Variants in CDH20 observed in about 807,000 individuals in gnomAD.
CDH20 encodes the protein cadherin-20.
In CDH20, 29 loss-of-function variants were observed where a neutral mutation model predicts 74.2. That is an observed-to-expected ratio of 0.39 (90% CI 0.29 to 0.53). The LOEUF (loss-of-function observed/expected upper bound fraction) is 0.53, where lower values mean the gene tolerates loss of function less well. CDH20 is among the 20% of genes least tolerant of loss of function. The pLI is 0.69. For missense variants in CDH20, 988 were observed against 1,048.3 expected (o/e 0.94, Z 0.79); for synonymous variants, 469 against 405.4 (o/e 1.16, Z -1.88).
At chr18:61,452,713 C>A (rs914671635) in intron 1 of CDH20, among the ~76,000 whole-genome samples, 20 of 152,136 alleles carry the variant, frequency 1.3e-4, no homozygotes, top group African/African-American at 4.8e-4. Context: ...ATCTACATGA[C>A]AGCTATGTAA....
chr18:61,412,705 C>T (rs995099480), intron 1 of CDH20, among the ~76,000 whole-genome samples: 2 of 152,062 alleles, frequency 1.3e-5, no homozygotes, highest in Non-Finnish European at 2.9e-5. Flanking sequence ...CAAGCTATTG[C>T]TTTAAATAGT....
chr18:61,550,163 A>G lies in CDH20; in HGVS notation c.1834A>G (p.Met612Val), dbSNP rs1568187167. The change falls in exon 11 of 12, where the codon ATG becomes GTG. Residue 612 changes from methionine (M) to valine (V), a missense_variant. Physicochemically the swap from Met to Val is conservative, Grantham distance 21. Around this residue, in one of 2 missense-constraint regions of CDH20, gnomAD observed 375 missense variants for 293.1 expected, o/e 1.28. Coordinates refer to ENST00000262717, the MANE Select transcript of CDH20 (RefSeq NM_031891.4). ...CATGTCCTGCAGCCCAGAGGCCTACATGCTCCCAGTCAGTTTGAGCCGGGG... is the reference window on the plus strand; with the variant it reads ...CATGTCCTGCAGCCCAGAGGCCTACGTGCTCCCAGTCAGTTTGAGCCGGGG... The part of the protein sequence containing the change: ...HVMSCSPEAY[M>V]LPVSLSRGAL... 1.2e-6 allele frequency: 2 copies of G among 1,614,120 alleles called. No homozygotes were observed. Among genetic ancestry groups the G allele is most frequent in the Non-Finnish European group, 1.7e-6 (2 of 1,180,032 alleles).
At chr18:61,379,643 A>T (rs143756735) in intron 1 of CDH20, among the ~76,000 whole-genome samples, 1 of 152,168 alleles carries the variant, frequency 6.6e-6, no homozygotes. Flanking sequence ...AGTGGGCATT[A>T]TGTAGCTAAG....
intron 6 of CDH20, among the ~76,000 whole-genome samples, chr18:61,510,039 T>A (rs578153640): frequency 1.3e-5 from 2 of 151,970 alleles, no homozygotes; most frequent in Non-Finnish European, 2.9e-5. Context: ...ATTTCTAGAG[T>A]CTATTAGACA....
chr18:61,406,725 G>A (rs781571691), intron 1 of CDH20, among the ~76,000 whole-genome samples: 40 of 152,142 alleles, frequency 2.6e-4, no homozygotes, highest in Admixed American at 1.4e-3. Flanking sequence ...TAAACGAAGA[G>A]GTGGAGGAAA....
intron 1 of CDH20, among the ~76,000 whole-genome samples, chr18:61,406,709 G>C (rs923006183): frequency 2.0e-5 from 3 of 152,200 alleles, no homozygotes; most frequent in Non-Finnish European, 4.4e-5. Context: ...ATTGAAAGGA[G>C]CTACTTAAAC....
intron 1 of CDH20, among the ~76,000 whole-genome samples, chr18:61,348,108 G>T (rs981720444): frequency 3.9e-5 from 6 of 151,938 alleles, no homozygotes; most frequent in South Asian, 2.1e-4. Context: ...CATTTTTTTG[G>T]GGGGGTGGTC....
intron 11 of CDH20, among the ~76,000 whole-genome samples, chr18:61,553,301 C>T (rs1394520292): frequency 6.6e-6 from 1 of 151,952 alleles, no homozygotes; most frequent in African/African-American, 2.4e-5. Flanking sequence ...CAGCTAAAAC[C>T]TCAACACTCT....
intron 1 of CDH20, among the ~76,000 whole-genome samples, chr18:61,417,248 G>T (rs1396243339): frequency 1.3e-5 from 2 of 151,922 alleles, no homozygotes; most frequent in African/African-American, 4.8e-5. Context: ...AAAAGACTTT[G>T]GTGCTAAATC....
At chr18:61,538,620 G>GGT (rs1555684318) in intron 8 of CDH20, among the ~76,000 whole-genome samples, 18 of 41,562 alleles carry the variant, frequency 4.3e-4, no homozygotes, top group African/African-American at 1.2e-3. Context: ...TTTTGTTTTT[G>GGT]TTTTGTTTTT....
At position 61,554,230 on chromosome 18, in the gene CDH20, A is replaced by G. The variant is rs774235154; in HGVS notation, c.1941A>G (p.Lys647=). ...TTTTGTCCATGAGGCGGCACCGGAA[A>G]CAACCATACATCATCGACGACGAGG... ...LLILSMRRHR[K]QPYIIDDEEN... is the part of the protein sequence containing the mutation. Residue 647 remains lysine (K), a synonymous_variant, in exon 12 of 12, where the codon AAA becomes AAG. Coordinates refer to ENST00000262717, the MANE Select transcript of CDH20 (RefSeq NM_031891.4). 2.5e-6 allele frequency: 4 copies of G among 1,613,370 alleles called. No homozygotes were observed. The African/African-American group carries it at 5.3e-5, about 22-fold the overall frequency.
intron 1 of CDH20, among the ~76,000 whole-genome samples, chr18:61,343,159 A>G (rs906374713): frequency 6.6e-6 from 1 of 152,120 alleles, no homozygotes. Context: ...AGTGCACAAC[A>G]ACTACTTCTT....
intron 1 of CDH20, 75 bp from the exon 2 acceptor site, chr18:61,490,327 A>G (rs1182878621): frequency 6.1e-6 from 3 of 492,608 alleles, no homozygotes; most frequent in East Asian, 6.9e-5. Context: ...ATTTACTGAC[A>G]TTTCTTGAAA....
At chr18:61,521,244 T>A (rs532522985) in intron 6 of CDH20, among the ~76,000 whole-genome samples, 1 of 151,078 alleles carries the variant, frequency 6.6e-6, no homozygotes, top group Non-Finnish European at 1.5e-5. Context: ...AAAGGGGATA[T>A]CACCACTGAT....
intron 1 of CDH20, among the ~76,000 whole-genome samples, chr18:61,338,317 A>G (rs1424122381): frequency 3.3e-5 from 5 of 152,074 alleles, no homozygotes; most frequent in Admixed American, 3.3e-4. Context: ...TTTTTTATTT[A>G]ATTGCTATCC....
chr18:61,353,738 T>C lies in CDH20; in HGVS notation c.-153+19911T>C, dbSNP rs1248148080. Among the ~76,000 whole-genome samples, 1 of 152,122 alleles carries C rather than the reference T, an allele frequency of 6.6e-6. No homozygotes were observed. The highest frequency in any genetic ancestry group is 1.5e-5 in the Non-Finnish European group (1 of 68,028). ...ACTAGCCAATACAGCAGCTACTAAC[T>C]ACACAAGGACGTTCAGCTTTAAACT... On this transcript the variant is annotated intron_variant, in intron 1 of 11. Coordinates refer to ENST00000262717, the MANE Select transcript of CDH20 (RefSeq NM_031891.4). The surrounding 1 kb of genome is among the most constrained non-coding windows in gnomAD (Gnocchi z 4.6).
At chr18:61,477,436 A>G (rs1215439027) in intron 1 of CDH20, among the ~76,000 whole-genome samples, 1 of 152,246 alleles carries the variant, frequency 6.6e-6, no homozygotes, top group Non-Finnish European at 1.5e-5. Context: ...TTTTGTACTT[A>G]TAAAACTGCA....
intron 1 of CDH20, among the ~76,000 whole-genome samples, chr18:61,343,137 T>C (rs1910006589): frequency 1.3e-5 from 2 of 152,214 alleles, no homozygotes; most frequent in South Asian, 2.1e-4. Flanking sequence ...GTATCTTACC[T>C]GGCACATAAT....
chr18:61,515,297 G>C (rs1911954366), intron 6 of CDH20, among the ~76,000 whole-genome samples: 1 of 152,122 alleles, frequency 6.6e-6, no homozygotes, highest in Non-Finnish European at 1.5e-5. Flanking sequence ...CTTTGACTCG[G>C]AAAGGGAACT....
Sources: allele counts gnomAD v4.1 joint callset (sites outside exome capture counted in the v4.1 genomes callset), GRCh38; gene constraint gnomAD v4.1.1; regional missense constraint gnomAD v4.1.1; non-coding constraint Gnocchi (gnomAD v3.1); transcripts MANE v1.5; gene names NCBI Gene and HGNC (gene_info 2026-07-23, HGNC 2026-07-21).